CDH20: variants seen among roughly 807,000 people sequenced by gnomAD.
CDH20 encodes cadherin 20.
A neutral mutation model predicts 74.2 loss-of-function variants in CDH20; 29 were observed. The observed-to-expected ratio is 0.39, with a 90% confidence interval of 0.29 to 0.53. The LOEUF (loss-of-function observed/expected upper bound fraction) is 0.53. Ranked by LOEUF, CDH20 falls within the 20% of genes least tolerant of loss-of-function variation. The pLI is 0.69. For synonymous variants in CDH20, 469 were observed against 405.4 expected, an observed-to-expected ratio of 1.16 and a Z score of -1.88; for missense variants, 988 against 1,048.3, an observed-to-expected ratio of 0.94 and a Z score of 0.79.
chr18:61,537,327 A>G (rs1912848767), intron 8 of CDH20, among the ~76,000 whole-genome samples: 1 of 152,168 alleles, frequency 6.6e-6, no homozygotes, highest in Non-Finnish European at 1.5e-5. Context: ...ATCTACTGCT[A>G]GTCATCATAT....
In CDH20 at chr18:61,371,539, A is replaced by G. The variant is rs1911038940; in HGVS notation, c.-153+37712A>G. ...TAAAATATGCATTGTCTTAGATATAAGGAGAAAAATCTTTTAAATAAAACT... is the reference window on the plus strand; with the variant it reads ...TAAAATATGCATTGTCTTAGATATAGGGAGAAAAATCTTTTAAATAAAACT... On this transcript the variant is annotated intron_variant, in intron 1 of 11. Coordinates refer to ENST00000262717, the MANE Select transcript of CDH20 (RefSeq NM_031891.4). 3.3e-5 allele frequency among the ~76,000 whole-genome samples: 5 copies of G among 152,204 alleles called. No homozygotes were observed. In the South Asian group the frequency reaches 1.0e-3, roughly 32 times the overall value.
At chr18:61,503,545 C>T (rs1299017135) in intron 5 of CDH20, among the ~76,000 whole-genome samples, 1 of 152,208 alleles carries the variant, frequency 6.6e-6, no homozygotes, top group Non-Finnish European at 1.5e-5. Flanking sequence ...ATTGAGAATG[C>T]ATTCACTGAT....
chr18:61,354,621 T>C (rs1420191144), intron 1 of CDH20, among the ~76,000 whole-genome samples: 1 of 147,524 alleles, frequency 6.8e-6, no homozygotes, highest in Non-Finnish European at 1.5e-5. Flanking sequence ...AATAAATAAA[T>C]AAATAAAACC....
chr18:61,464,880 A>T (rs1472530891), intron 1 of CDH20, among the ~76,000 whole-genome samples: 1 of 152,234 alleles, frequency 6.6e-6, no homozygotes, highest in Non-Finnish European at 1.5e-5. Flanking sequence ...AGAATCCTCC[A>T]TCATGGTCTA....
intron 1 of CDH20, among the ~76,000 whole-genome samples, chr18:61,373,332 T>C (rs1179727288): frequency 6.6e-6 from 1 of 152,060 alleles, no homozygotes; most frequent in Non-Finnish European, 1.5e-5. Flanking sequence ...ACTTTTATTG[T>C]GCATAAAACC....
chr18:61,392,771 T>G (rs1369235418), intron 1 of CDH20, among the ~76,000 whole-genome samples: 1 of 145,828 alleles, frequency 6.9e-6, no homozygotes, highest in Admixed American at 6.8e-5. Context: ...CTATAAGAAC[T>G]TTTTAATTAC....
intron 5 of CDH20, among the ~76,000 whole-genome samples, chr18:61,503,395 C>T (rs1362109373): frequency 6.6e-6 from 1 of 152,154 alleles, no homozygotes; most frequent in African/African-American, 2.4e-5. Context: ...CGCCCACCCA[C>T]CCCACATAAA....
At chr18:61,411,092 C>G (rs1000999432) in intron 1 of CDH20, among the ~76,000 whole-genome samples, 1 of 151,334 alleles carries the variant, frequency 6.6e-6, no homozygotes, top group Non-Finnish European at 1.5e-5. Context: ...CCCAGCTACT[C>G]GGGGGGCTGA....
chr18:61,386,157 A>G (rs1298335126), intron 1 of CDH20, among the ~76,000 whole-genome samples: 1 of 152,218 alleles, frequency 6.6e-6, no homozygotes, highest in Admixed American at 6.5e-5. Flanking sequence ...TTATCAATAA[A>G]TACAGACTCT....
intron 1 of CDH20, among the ~76,000 whole-genome samples, chr18:61,482,492 T>C (rs938203205): frequency 2.0e-5 from 3 of 152,290 alleles, no homozygotes; most frequent in Non-Finnish European, 4.4e-5. Flanking sequence ...AAGTTCTCCT[T>C]ACCAATTTTC....
chr18:61,512,189 G>C (rs773894930), intron 6 of CDH20, among the ~76,000 whole-genome samples: 1 of 152,054 alleles, frequency 6.6e-6, no homozygotes, highest in Non-Finnish European at 1.5e-5. Context: ...CAGTACCTTG[G>C]GTCTTTTTAG....
chr18:61,383,977 C>T (rs74996821), intron 1 of CDH20, among the ~76,000 whole-genome samples: 12,048 of 152,116 alleles, frequency 0.079, 549 homozygotes, highest in East Asian at 0.11. Context: ...AGAAGCCTCC[C>T]CTACCATGCA....
At chr18:61,547,716 A>G (rs1174635491) in intron 10 of CDH20, among the ~76,000 whole-genome samples, 2 of 143,914 alleles carry the variant, frequency 1.4e-5, no homozygotes, top group East Asian at 4.3e-4. Flanking sequence ...ATGCCCCCCC[A>G]CTACACCCCC....
chr18:61,491,533 AAC>A (rs759160692), intron 2 of CDH20, among the ~76,000 whole-genome samples: 1 of 152,292 alleles, frequency 6.6e-6, no homozygotes, highest in Non-Finnish European at 1.5e-5. Flanking sequence ...TTCAGATTCA[AAC>A]ACAGGTGGGT....
chr18:61,511,859 T>C (rs745598365), intron 6 of CDH20, among the ~76,000 whole-genome samples: 1 of 152,212 alleles, frequency 6.6e-6, no homozygotes, highest in African/African-American at 2.4e-5. Flanking sequence ...TCACTTTGAT[T>C]TCTCTTCTGA....
intron 1 of CDH20, among the ~76,000 whole-genome samples, chr18:61,420,323 CACA>C (rs1266359075): frequency 6.6e-6 from 1 of 150,456 alleles, no homozygotes; most frequent in Non-Finnish European, 1.5e-5. Flanking sequence ...TCAGTAGGAG[CACA>C]ACAACATGTC....
intron 11 of CDH20, among the ~76,000 whole-genome samples, chr18:61,553,849 T>C (rs932166036): frequency 3.3e-5 from 5 of 152,346 alleles, no homozygotes; most frequent in South Asian, 4.1e-4. Flanking sequence ...TGTTGGTCCA[T>C]AGCAGGCCTT....
chr18:61,401,434 G>GGTGT (rs138126487), intron 1 of CDH20, among the ~76,000 whole-genome samples: 14 of 151,118 alleles, frequency 9.3e-5, no homozygotes, highest in Non-Finnish European at 1.3e-4. Flanking sequence ...TCAATGATCA[G>GGTGT]GTGTGTGTGT....
At chr18:61,496,451 A>T (rs1479453995) in intron 2 of CDH20, among the ~76,000 whole-genome samples, 1 of 151,354 alleles carries the variant, frequency 6.6e-6, no homozygotes, top group African/African-American at 2.4e-5. Flanking sequence ...CCCTTCTTCC[A>T]ACACAGTTTC....
Sources: gnomAD v4.1 joint callset for allele counts (sites outside exome capture counted in the v4.1 genomes callset) on GRCh38, gnomAD v4.1.1 for gene constraint, MANE v1.5 for transcripts, NCBI Gene and HGNC (gene_info 2026-07-23, HGNC 2026-07-21) for gene names.